Variants in NOL4 observed in about 807,000 individuals in gnomAD.
NOL4 encodes cancer/testis antigen 125.
In NOL4, 17 loss-of-function variants were observed where a neutral mutation model predicts 75.9. The observed-to-expected ratio is 0.22, with a 90% confidence interval of 0.15 to 0.34. The LOEUF is 0.34. Ranked by LOEUF, NOL4 falls within the 10% of genes least tolerant of loss-of-function variation. The pLI is 1.00. For synonymous variants in NOL4, 292 were observed against 289.9 expected (o/e 1.01, Z -0.07); for missense variants, 614 against 793.5 (o/e 0.77, Z 2.72).
chr18:33,851,798 T>G lies in NOL4; in HGVS notation c.*1044A>C, dbSNP rs1045642141. ...TATTTTTAGCTAGAACTGAAAATTA[T>G]ACAAATCATATCAGGAGATGTAATG... is the stretch of plus-strand genomic sequence containing the variant. On this transcript the variant is annotated 3_prime_UTR_variant, in exon 11 of 11. Coordinates refer to ENST00000261592, the MANE Select transcript of NOL4 (RefSeq NM_003787.5). 6.6e-6 allele frequency: 1 copy of G among 152,506 alleles called. No individual in the cohort carries two copies. The highest frequency in any genetic ancestry group is 2.4e-5 in the African/African-American group (1 of 41,432). The allele number at this position is 152,506 out of a possible 1,614,324, so 9.4% of individuals were successfully genotyped here. A position where few individuals can be genotyped will look rare whatever the true frequency, so the allele number is the denominator to read the frequency against.
At chr18:33,854,596 G>A (rs963541197) in intron 10 of NOL4, among the ~76,000 whole-genome samples, 1 of 151,896 alleles carries the variant, frequency 6.6e-6, no homozygotes, top group African/African-American at 2.4e-5. Flanking sequence ...ATTATAACAG[G>A]AGTAGTGGTC....
chr18:33,969,265 C>T (rs1441076079), intron 6 of NOL4, among the ~76,000 whole-genome samples: 6 of 152,094 alleles, frequency 3.9e-5, no homozygotes, highest in Admixed American at 6.6e-5. Flanking sequence ...ATTATTTCTT[C>T]CTCCTAAAGA....
intron 1 of NOL4, among the ~76,000 whole-genome samples, chr18:34,133,204 G>A (rs1837232927): frequency 6.6e-6 from 1 of 151,098 alleles, no homozygotes; most frequent in Non-Finnish European, 1.5e-5. Flanking sequence ...CCTGGGAGGT[G>A]GAGGTTGCAG....
At chr18:34,077,851 A>G (rs2077820268) in intron 5 of NOL4, among the ~76,000 whole-genome samples, 1 of 152,136 alleles carries the variant, frequency 6.6e-6, no homozygotes. Context: ...ACAGTTTTCA[A>G]ATGTGCCAAA....
chr18:34,008,822 A>C (rs1464095994), intron 6 of NOL4, among the ~76,000 whole-genome samples: 1 of 152,028 alleles, frequency 6.6e-6, no homozygotes, highest in Non-Finnish European at 1.5e-5. Flanking sequence ...GGCTAAAGTC[A>C]GCTGCATAGC....
intron 5 of NOL4, among the ~76,000 whole-genome samples, chr18:34,033,985 A>G (rs2075765824): frequency 6.6e-6 from 1 of 152,210 alleles, no homozygotes; most frequent in Admixed American, 6.5e-5. Context: ...TTTTTCCCAG[A>G]CAATTGAAAG....
chr18:34,080,543 G>C (rs1345851505), intron 5 of NOL4, among the ~76,000 whole-genome samples: 8 of 152,072 alleles, frequency 5.3e-5, no homozygotes, highest in Non-Finnish European at 1.0e-4. Context: ...CATGCACCAG[G>C]GCACACAGGT....
intron 1 of NOL4, among the ~76,000 whole-genome samples, chr18:34,216,760 C>T (rs768726197): frequency 2.4e-4 from 37 of 151,440 alleles, no homozygotes; most frequent in Non-Finnish European, 4.7e-4. Context: ...ACTTATAAAA[C>T]GGAAATTTGT....
chr18:34,033,422 T>C (rs1294255410), intron 5 of NOL4, among the ~76,000 whole-genome samples: 1 of 151,884 alleles, frequency 6.6e-6, no homozygotes, highest in Non-Finnish European at 1.5e-5. Context: ...ATTTGAAAGC[T>C]TCAGCAATAA....
At chr18:33,969,022 CTGTTAGATTA>C in intron 6 of NOL4, among the ~76,000 whole-genome samples, 1 of 152,254 alleles carries the variant, frequency 6.6e-6, no homozygotes, top group South Asian at 2.1e-4. Context: ...ATCATGCAAA[CTGTTAGATTA>C]TGTTTAGTTT....
At chr18:34,196,272 A>G (rs184896462) in intron 1 of NOL4, among the ~76,000 whole-genome samples, 1 of 152,244 alleles carries the variant, frequency 6.6e-6, no homozygotes, top group Admixed American at 6.5e-5. Flanking sequence ...AGAAATACTA[A>G]GGACAGTCAA....
At chr18:33,939,452 A>G (rs1462893864) in intron 9 of NOL4, among the ~76,000 whole-genome samples, 1 of 152,010 alleles carries the variant, frequency 6.6e-6, no homozygotes, top group Non-Finnish European at 1.5e-5. Context: ...TATTTCCTTG[A>G]GCAGTGGTTT....
chr18:33,924,982 A>G (rs556522435), intron 9 of NOL4, among the ~76,000 whole-genome samples: 28 of 152,192 alleles, frequency 1.8e-4, no homozygotes, highest in Non-Finnish European at 4.1e-4. Context: ...CAATCCCCCA[A>G]GTATCATTTA....
intron 6 of NOL4, among the ~76,000 whole-genome samples, chr18:34,011,590 C>T (rs1331721499): frequency 4.0e-5 from 6 of 151,340 alleles, no homozygotes; most frequent in South Asian, 2.1e-4. Flanking sequence ...TTATTCTTAA[C>T]GATAGAACTC....
intron 6 of NOL4, among the ~76,000 whole-genome samples, chr18:33,981,810 C>A (rs2071983828): frequency 6.6e-6 from 1 of 152,006 alleles, no homozygotes; most frequent in South Asian, 2.1e-4. Context: ...AATTATCTAA[C>A]AGATAAAACT....
chr18:34,026,590 C>T (rs2144585891), intron 5 of NOL4, among the ~76,000 whole-genome samples: 1 of 152,250 alleles, frequency 6.6e-6, no homozygotes, highest in Admixed American at 6.5e-5. Flanking sequence ...GGAATGGGCT[C>T]CATTTTCCAG....
intron 1 of NOL4, among the ~76,000 whole-genome samples, chr18:34,135,190 G>C (rs2145940222): frequency 6.6e-6 from 1 of 151,990 alleles, no homozygotes; most frequent in Non-Finnish European, 1.5e-5. Context: ...AAAGAGGAGG[G>C]AAGACTCAAA....
chr18:34,076,152 G>A (rs977015477), intron 5 of NOL4, among the ~76,000 whole-genome samples: 1 of 152,128 alleles, frequency 6.6e-6, no homozygotes, highest in Non-Finnish European at 1.5e-5. Context: ...ATTTACGAAA[G>A]GTGCTTCCTC....
intron 6 of NOL4, among the ~76,000 whole-genome samples, chr18:34,005,941 A>T (rs2074005263): frequency 1.3e-5 from 2 of 152,038 alleles, no homozygotes; most frequent in African/African-American, 4.8e-5. Context: ...CATGAAAGTG[A>T]TGCTTATAAT....
Sources: allele counts gnomAD v4.1 joint callset (sites outside exome capture counted in the v4.1 genomes callset), GRCh38; gene constraint gnomAD v4.1.1; transcripts MANE v1.5; gene names NCBI Gene and HGNC (gene_info 2026-07-23, HGNC 2026-07-21).